NBPF8: variants seen among roughly 807,000 people sequenced by gnomAD.
NBPF8 encodes NBPF family member NBPF8.
chr1:120,454,475 G>T (rs61807100), intron 15 of NBPF8, among the ~76,000 whole-genome samples: 1 of 152,018 alleles, frequency 6.6e-6, no homozygotes, highest in Non-Finnish European at 1.5e-5. Flanking sequence ...AAGGAAGCTG[G>T]CAGCCTTGCC....
rs1291991262 is a variant in NBPF8, at chr1:120,455,268, G to A, written n.2569-141G>A. ...CTAATTCTCACCAAAGTTAATCTAG[G>A]ACAACCTAGAATATTCCTGTCAGAA... On this transcript the variant is annotated intron_variant and non_coding_transcript_variant, in intron 15 of 24. Coordinates refer to ENST00000583271, the Ensembl canonical transcript of NBPF8. 1,285 of 627,896 alleles carry A rather than the reference G, an allele frequency of 2.0e-3. 1 individual carries two copies. The highest frequency in any genetic ancestry group is 3.4e-3 in the Middle Eastern group (8 of 2,342). The allele number at this position is 627,896 out of a possible 1,614,324, so 38.9% of individuals were successfully genotyped here.
At chr1:120,419,257 G>A (rs1352133587), upstream of NBPF8, among the ~76,000 whole-genome samples, 6 of 152,144 alleles carry the variant, frequency 3.9e-5, no homozygotes, top group East Asian at 5.8e-4. Context: ...AGATTTTGGG[G>A]CTTTTGTTAC....
upstream of NBPF8, among the ~76,000 whole-genome samples, chr1:120,417,847 C>T (rs1660472199): frequency 6.9e-6 from 1 of 144,088 alleles, no homozygotes; most frequent in Non-Finnish European, 1.5e-5. Flanking sequence ...GTAATCTTCC[C>T]ACTTAAGCCT....
upstream of NBPF8, among the ~76,000 whole-genome samples, chr1:120,431,642 G>A (rs1249394889): frequency 6.6e-6 from 1 of 150,508 alleles, no homozygotes; most frequent in Admixed American, 6.6e-5. Flanking sequence ...ACCTGTTGGT[G>A]AGGATATAAA....
At chr1:120,460,455 T>C (rs1661548765) in intron 17 of NBPF8, 118 bp from the exon 16 acceptor site, 1 of 784,894 alleles carries the variant, frequency 1.3e-6, no homozygotes, top group Non-Finnish European at 2.3e-6. Context: ...TCTCTCAAAG[T>C]CTCCTGTTCT....
chr1:120,435,934 A>C (rs1661061944), upstream of NBPF8, among the ~76,000 whole-genome samples: 1 of 151,750 alleles, frequency 6.6e-6, no homozygotes, highest in East Asian at 1.9e-4. Context: ...TGACTTCATG[A>C]CTACCATTAA....
intron 13 of NBPF8, among the ~76,000 whole-genome samples, chr1:120,452,778 C>G (rs1230142570): frequency 1.3e-5 from 2 of 152,158 alleles, no homozygotes; most frequent in East Asian, 3.9e-4. Flanking sequence ...TCGAAGCATT[C>G]AAATGTGGGA....
chr1:120,461,375 G>A (rs1661585892), exon 19 of NBPF8: 2 of 1,060,456 alleles, frequency 1.9e-6, no homozygotes, highest in Non-Finnish European at 2.7e-6. Flanking sequence ...CTACAGAAGT[G>A]CGTTTTACAT....
intron 1 of NBPF8, among the ~76,000 whole-genome samples, chr1:120,425,241 G>C (rs1229215919): frequency 6.6e-6 from 1 of 151,862 alleles, no homozygotes; most frequent in South Asian, 2.1e-4. Context: ...TAAGAGGAAG[G>C]CATCTGTCTC....
intron 16 of NBPF8, among the ~76,000 whole-genome samples, chr1:120,456,214 T>C (rs1661431476): frequency 6.6e-6 from 1 of 151,452 alleles, no homozygotes; most frequent in African/African-American, 2.4e-5. Flanking sequence ...ATAAGTGTGA[T>C]GTGGTGCTGA....
At chr1:120,430,942 G>A (rs1482224811) in intron 3 of NBPF8, among the ~76,000 whole-genome samples, 2 of 151,392 alleles carry the variant, frequency 1.3e-5, no homozygotes, top group Non-Finnish European at 2.9e-5. Flanking sequence ...CAGATCCAAT[G>A]CAATTCTAAT....
chr1:120,450,469 C>G (rs1241080256), intron 11 of NBPF8, among the ~76,000 whole-genome samples: 1 of 152,032 alleles, frequency 6.6e-6, no homozygotes, highest in South Asian at 2.1e-4. Context: ...TCAGAGGGTA[C>G]TACAATAATA....
At chr1:120,451,890 A>T (rs1486404243) in intron 12 of NBPF8, among the ~76,000 whole-genome samples, 1 of 151,742 alleles carries the variant, frequency 6.6e-6, no homozygotes, top group Non-Finnish European at 1.5e-5. Context: ...GAAGAGAAAG[A>T]TGAATGGAAC....
At chr1:120,419,582 C>G (rs1328890760), upstream of NBPF8, among the ~76,000 whole-genome samples, 8 of 152,196 alleles carry the variant, frequency 5.3e-5, no homozygotes, top group East Asian at 1.5e-3. Flanking sequence ...CCTCAACCTT[C>G]AGAGTAGCTG....
intron 18 of NBPF8, 131 bp downstream of exon 16, chr1:120,460,755 G>A (rs1364976867): frequency 2.1e-6 from 2 of 957,112 alleles, no homozygotes; most frequent in Non-Finnish European, 3.3e-6. Context: ...CTACTACATT[G>A]CTTTTTGGTT....
upstream of NBPF8, among the ~76,000 whole-genome samples, chr1:120,418,618 A>G (rs1324097885): frequency 1.0e-4 from 14 of 140,242 alleles, no homozygotes; most frequent in East Asian, 8.4e-4. Context: ...TGGTATGATC[A>G]TGGGTCTCTG....
chr1:120,434,253 G>T (rs1553247462), upstream of NBPF8, among the ~76,000 whole-genome samples: 3 of 139,786 alleles, frequency 2.1e-5, no homozygotes, highest in South Asian at 2.2e-4. Context: ...ATATATACAC[G>T]TGTTATATAT....
At chr1:120,454,076 C>T (rs1219705376) in exon 15 of NBPF8, 17 of 1,613,156 alleles carry the variant, frequency 1.1e-5, no homozygotes, top group African/African-American at 4.0e-5. Flanking sequence ...GGCTCATCCT[C>T]TCATGTTGAA....
downstream of NBPF8, among the ~76,000 whole-genome samples, chr1:120,468,433 G>A (rs1553251021): frequency 7.0e-5 from 10 of 142,402 alleles, no homozygotes; most frequent in East Asian, 8.2e-4. Context: ...TACATGGATC[G>A]CATTACTAGA....
Sources: allele counts gnomAD v4.1 joint callset (sites outside exome capture counted in the v4.1 genomes callset), GRCh38; gene constraint gnomAD v4.1.1; transcripts MANE v1.5; gene names NCBI Gene and HGNC (gene_info 2026-07-23, HGNC 2026-07-21).